Variants in TRPM3 observed in about 807,000 individuals in gnomAD.
The protein encoded by TRPM3 is transient receptor potential cation channel subfamily M member 3.
TRPM3 carries 77 observed loss-of-function variants against 181.2 expected under a neutral mutation model. The ratio of observed to expected loss-of-function variants is 0.42; its 90% CI spans 0.35 to 0.51. TRPM3 has a LOEUF of 0.51. Ranked by LOEUF, TRPM3 falls within the 20% of genes least tolerant of loss-of-function variation. TRPM3 has a pLI of 0.01. For synonymous variants in TRPM3, 745 were observed against 796.4 expected (o/e 0.94, Z 1.09); for missense variants, 1,759 against 2,196.7 (o/e 0.80, Z 3.98).
chr9:71,426,001 A>C (rs1452687164), intron 1 of TRPM3, among the ~76,000 whole-genome samples: 1 of 151,994 alleles, frequency 6.6e-6, no homozygotes, highest in East Asian at 1.9e-4. Flanking sequence ...TAACCTCTTC[A>C]GAGAAGATTT....
chr9:70,647,934 C>T (rs2059116447), intron 9 of TRPM3, among the ~76,000 whole-genome samples: 1 of 152,138 alleles, frequency 6.6e-6, no homozygotes, highest in Non-Finnish European at 1.5e-5. Flanking sequence ...AATGCAATAT[C>T]AGTCACAATA....
chr9:70,983,955 TC>T (rs1286521315), intron 1 of TRPM3, among the ~76,000 whole-genome samples: 1 of 152,152 alleles, frequency 6.6e-6, no homozygotes, highest in Non-Finnish European at 1.5e-5. Flanking sequence ...AGATTGTGGG[TC>T]AGAGTTCATT....
intron 7 of TRPM3, among the ~76,000 whole-genome samples, chr9:70,763,664 T>C (rs961865511): frequency 1.8e-4 from 28 of 152,198 alleles, no homozygotes; most frequent in African/African-American, 6.8e-4. Context: ...AACAAATGCA[T>C]AGTGAATGTC....
chr9:70,894,792 C>T (rs1222255652), intron 1 of TRPM3, among the ~76,000 whole-genome samples: 3 of 152,156 alleles, frequency 2.0e-5, no homozygotes, highest in Admixed American at 2.0e-4. Context: ...AACAACATCA[C>T]TTAGTTATAC....
chr9:70,846,451 T>G lies in TRPM3; in HGVS notation c.603A>C (p.Gln201His), dbSNP rs772870124. ...CTTTGATGAGCCCTTTCCCAAAGAC[T>G]TGCTTGAGTTTTGGCTGGAGTTCAA... ...QNFELQPKLK[Q>H]VFGKGLIKAA... Residue 201 changes from glutamine (Q) to histidine (H), a missense_variant, in exon 4 of 26, where the codon CAA becomes CAC. Gln to His is a conservative substitution (Grantham distance 24, BLOSUM62 0). Transcript: ENST00000677713. 26 of 1,614,166 alleles carry G rather than the reference T, an allele frequency of 1.6e-5. No homozygotes were observed. Among genetic ancestry groups the G allele is most frequent in the Non-Finnish European group, 2.2e-5 (26 of 1,180,020 alleles).
Position 70,615,902 on chromosome 9 carries a change from T to C in TRPM3, c.2526+6A>G. On this transcript the variant is annotated splice_donor_region_variant and intron_variant, in intron 18 of 25. Coordinates refer to ENST00000677713, the MANE Select transcript of TRPM3 (RefSeq NM_001366145.2). ...CATAGAGAATAACTGTGCAATGTTT[T>C]CTTACTGTGAGCTCCATGTCCTCTT... The C allele has an allele frequency of 6.3e-7, 1 of 1,596,098 alleles. No homozygotes were observed. The highest frequency in any genetic ancestry group is 8.5e-7 in the Non-Finnish European group (1 of 1,174,942).
At chr9:71,306,101 T>G (rs926028089) in intron 1 of TRPM3, among the ~76,000 whole-genome samples, 5 of 152,192 alleles carry the variant, frequency 3.3e-5, no homozygotes, top group Non-Finnish European at 7.3e-5. Context: ...TTGTTTTACA[T>G]GCACACACTC....
chr9:70,976,328 A>G (rs2133973715), intron 1 of TRPM3, among the ~76,000 whole-genome samples: 1 of 152,346 alleles, frequency 6.6e-6, no homozygotes, highest in Admixed American at 6.5e-5. Context: ...TCCTACCAGA[A>G]GGTCACACAG....
At chr9:70,637,771 T>C (rs2057445487) in intron 11 of TRPM3, among the ~76,000 whole-genome samples, 1 of 152,002 alleles carries the variant, frequency 6.6e-6, no homozygotes. Context: ...AAATGAGGGG[T>C]AGAATAATCT....
At chr9:70,782,874 A>G (rs1394774985) in intron 7 of TRPM3, among the ~76,000 whole-genome samples, 1 of 152,058 alleles carries the variant, frequency 6.6e-6, no homozygotes, top group Non-Finnish European at 1.5e-5. Context: ...TCACAAACAT[A>G]GGTTCATCTA....
intron 1 of TRPM3, among the ~76,000 whole-genome samples, chr9:71,129,409 T>G (rs1267450029): frequency 6.6e-6 from 1 of 152,186 alleles, no homozygotes; most frequent in Non-Finnish European, 1.5e-5. Flanking sequence ...AAATAGATAG[T>G]GGCTATGTGA....
intron 1 of TRPM3, among the ~76,000 whole-genome samples, chr9:71,297,252 T>C (rs1013877142): frequency 9.9e-5 from 15 of 152,036 alleles, no homozygotes; most frequent in African/African-American, 3.6e-4. Flanking sequence ...GTAACAATAG[T>C]GGTATTTAAT....
At chr9:71,104,339 GA>G (rs1211548840) in intron 1 of TRPM3, among the ~76,000 whole-genome samples, 1 of 151,470 alleles carries the variant, frequency 6.6e-6, no homozygotes. Flanking sequence ...GCCTACTTTA[GA>G]CTGATTTTCC....
At position 70,823,815 on chromosome 9, in the gene TRPM3, A is replaced by G. The variant is rs868855073; in HGVS notation, c.973+4032T>C. 3.3e-5 allele frequency among the ~76,000 whole-genome samples: 5 copies of G among 152,370 alleles called. No individual in the cohort carries two copies. In the Middle Eastern group the frequency reaches 0.01, roughly 311 times the overall value. On this transcript the variant is annotated intron_variant, in intron 6 of 25. Coordinates refer to ENST00000677713, the MANE Select transcript of TRPM3 (RefSeq NM_001366145.2). ...AGGAATGACTGAAATTGTTCCTTGC[A>G]TATTAAATTTGAAGTTTAAAAAACT... is the stretch of plus-strand genomic sequence containing the variant.
intron 8 of TRPM3, among the ~76,000 whole-genome samples, chr9:70,688,424 T>C (rs2134387107): frequency 1.3e-5 from 2 of 152,316 alleles, no homozygotes; most frequent in Admixed American, 1.3e-4. Flanking sequence ...TTGTACCCAA[T>C]ATTGTACCCA....
chr9:70,865,734 C>A (rs1207529364), intron 1 of TRPM3, among the ~76,000 whole-genome samples: 1 of 152,028 alleles, frequency 6.6e-6, no homozygotes, highest in Non-Finnish European at 1.5e-5. Flanking sequence ...GCAGTAATTG[C>A]CTAATACTCG....
In TRPM3 at chr9:70,772,443, AAGT is replaced by A. The variant is rs2080493229; in HGVS notation, c.1149-10722_1149-10720del. ...GGTGATCCTCCCACCTCAGCCTCCCAAGTAGCTGGGACTTGGCCTCCTGAGATG... is the reference window on the plus strand; with the variant it reads ...GGTGATCCTCCCACCTCAGCCTCCCAAGCTGGGACTTGGCCTCCTGAGATG... On this transcript the variant is annotated intron_variant, in intron 7 of 25. Transcript: ENST00000677713. Among the ~76,000 whole-genome samples, 3 of 151,822 alleles carry A rather than the reference AAGT, an allele frequency of 2.0e-5. 1 individual carries two copies. In the South Asian group the frequency reaches 6.3e-4, roughly 32 times the overall value.
At chr9:71,161,182 A>C (rs147486628) in intron 1 of TRPM3, among the ~76,000 whole-genome samples, 1 of 152,174 alleles carries the variant, frequency 6.6e-6, no homozygotes, top group African/African-American at 2.4e-5. Context: ...TTGTTTCTTT[A>C]GGAGGAAACT....
intron 25 of TRPM3, among the ~76,000 whole-genome samples, chr9:70,540,870 G>A (rs921832834): frequency 6.6e-6 from 1 of 152,142 alleles, no homozygotes; most frequent in African/African-American, 2.4e-5. Context: ...CCACAGGCAT[G>A]CACCACAACA....
Sources: gnomAD v4.1 joint callset for allele counts (sites outside exome capture counted in the v4.1 genomes callset) on GRCh38, gnomAD v4.1.1 for gene constraint, MANE v1.5 for transcripts, NCBI Gene and HGNC (gene_info 2026-07-23, HGNC 2026-07-21) for gene names.